The following CLEC17A variants were observed in gnomAD, a reference collection of about 807,000 sequenced individuals.
The protein encoded by CLEC17A is C-type lectin domain family 17, member A.
In CLEC17A, 37 loss-of-function variants were observed where a neutral mutation model predicts 61.3. The observed-to-expected ratio is 0.60, with a 90% confidence interval of 0.46 to 0.79. The LOEUF is 0.79. CLEC17A is among the 30% of genes least tolerant of loss of function. The probability of loss-of-function intolerance (pLI) is 0.00; values close to 1 mark genes in which losing one functional copy is unlikely to be tolerated. For synonymous variants in CLEC17A, 168 were observed against 164.9 expected, an observed-to-expected ratio of 1.02 and a Z score of -0.14; for missense variants, 418 against 464.7, an observed-to-expected ratio of 0.90 and a Z score of 0.92.
chr19:14,586,147 C>T (rs1342671185), intron 2 of CLEC17A, among the ~76,000 whole-genome samples: 8 of 141,836 alleles, frequency 5.6e-5, no homozygotes, highest in African/African-American at 2.1e-4. Flanking sequence ...TTTCTTGAGA[C>T]GGAGTTTCAC....
At chr19:14,605,910 T>A (rs1555749264) in intron 12 of CLEC17A, among the ~76,000 whole-genome samples, 1 of 152,088 alleles carries the variant, frequency 6.6e-6, no homozygotes, top group Non-Finnish European at 1.5e-5. Flanking sequence ...GGCTAATTTT[T>A]AAAAATTTTT....
intron 4 of CLEC17A, among the ~76,000 whole-genome samples, chr19:14,593,158 C>A (rs1484572884): frequency 6.6e-6 from 1 of 151,946 alleles, no homozygotes; most frequent in Non-Finnish European, 1.5e-5. Flanking sequence ...CAGGGTTCAA[C>A]AAGAATCTGA....
intron 3 of CLEC17A, among the ~76,000 whole-genome samples, chr19:14,589,025 C>T (rs1045260036): frequency 3.3e-5 from 5 of 151,574 alleles, no homozygotes; most frequent in East Asian, 1.9e-4. Flanking sequence ...TTCAGGGCCA[C>T]GTCTGCTCCA....
intron 12 of CLEC17A, 80 bp downstream of exon 12, chr19:14,600,262 C>T (rs2074671125): frequency 1.3e-6 from 2 of 1,510,054 alleles, no homozygotes; most frequent in East Asian, 2.3e-5. Context: ...CCCTCCCTTC[C>T]CTGGATGGCA....
At chr19:14,581,011 A>T (rs1009587568), upstream of CLEC17A, among the ~76,000 whole-genome samples, 2 of 152,174 alleles carry the variant, frequency 1.3e-5, no homozygotes, top group African/African-American at 4.8e-5. Flanking sequence ...GTGCGGGGGA[A>T]GGTTTTTCCA....
intron 12 of CLEC17A, among the ~76,000 whole-genome samples, chr19:14,600,624 C>G (rs2074681048): frequency 6.6e-6 from 1 of 151,854 alleles, no homozygotes; most frequent in Admixed American, 6.6e-5. Flanking sequence ...CTCTTTCACC[C>G]AGGCTGGAGT....
At chr19:14,586,885 TTCTTTC>T (rs1046406264) in intron 2 of CLEC17A, among the ~76,000 whole-genome samples, 2 of 137,008 alleles carry the variant, frequency 1.5e-5, no homozygotes, top group African/African-American at 6.9e-5. Flanking sequence ...TTTTCTTTCT[TTCTTTC>T]TTTTTTTTTT....
chr19:14,606,585 C>T (rs1346872997), intron 12 of CLEC17A, among the ~76,000 whole-genome samples: 1 of 149,678 alleles, frequency 6.7e-6, no homozygotes, highest in Non-Finnish European at 1.5e-5. Context: ...GAGGTTGAGG[C>T]GGGAGAATCG....
intron 12 of CLEC17A, among the ~76,000 whole-genome samples, chr19:14,601,959 A>AT (rs2074730194): frequency 6.6e-6 from 1 of 151,628 alleles, no homozygotes; most frequent in Non-Finnish European, 1.5e-5. Flanking sequence ...CACCCAGCTA[A>AT]TTTTTTGTAT....
At position 14,592,363 on chromosome 19, in the gene CLEC17A, G is replaced by A. The variant is rs1338913366; in HGVS notation, c.277+5G>A. On this transcript the variant is annotated splice_donor_5th_base_variant and intron_variant, in intron 4 of 13. Transcript: ENST00000417570. ...AGGACCTTCCTCCCAAGCCAGGTAAGAGGACTTTTTGGAGTGTGACCTGGG... is the reference window on the plus strand; with the variant it reads ...AGGACCTTCCTCCCAAGCCAGGTAAAAGGACTTTTTGGAGTGTGACCTGGG... 5.6e-6 allele frequency: 9 copies of A among 1,610,040 alleles called. No homozygotes were observed. Among genetic ancestry groups the A allele is most frequent in the Non-Finnish European group, 6.8e-6 (8 of 1,178,100 alleles).
At chr19:14,589,133 C>A (rs114320676) in intron 3 of CLEC17A, among the ~76,000 whole-genome samples, 2,292 of 150,464 alleles carry the variant, frequency 0.015, 1 homozygote, top group African/African-American at 0.053. Context: ...TCGACTCCTT[C>A]CCCCTTCCCA....
intron 2 of CLEC17A, among the ~76,000 whole-genome samples, chr19:14,584,966 C>G (rs1370635763): frequency 6.6e-6 from 1 of 152,132 alleles, no homozygotes; most frequent in Admixed American, 6.6e-5. Context: ...ATTTTCCATC[C>G]CATCCCACCC....
rs538031943 is a variant in CLEC17A at position 14,609,347 on chromosome 19, C to A, written c.1005-717C>A. ...CTGAGTCCATGCTCCTGCTCAATTC[C>A]TTCCCCTTCTCCATCTAGCTTCCCT... On this transcript the variant is annotated intron_variant, in intron 13 of 13. Transcript: ENST00000417570. Among the ~76,000 whole-genome samples, 23 of 152,286 alleles carry A rather than the reference C, an allele frequency of 1.5e-4. No individual in the cohort carries two copies. The South Asian group carries it at 4.8e-3, about 32-fold the overall frequency.
intron 7 of CLEC17A, 58 bp downstream of exon 7, chr19:14,594,858 T>C: frequency 1.4e-6 from 2 of 1,466,506 alleles, no homozygotes; most frequent in Non-Finnish European, 1.9e-6. Context: ...ATGTTTCCTT[T>C]CAATCCCCCA....
intron 12 of CLEC17A, among the ~76,000 whole-genome samples, chr19:14,603,457 A>G (rs912138599): frequency 6.6e-6 from 1 of 151,944 alleles, no homozygotes; most frequent in Non-Finnish European, 1.5e-5. Flanking sequence ...TGTGCAAAGT[A>G]GTATAGCTCA....
intron 2 of CLEC17A, chr19:14,584,268 G>A (rs993105503): frequency 1.8e-4 from 27 of 152,220 alleles, no homozygotes; most frequent in Middle Eastern, 3.4e-3. Context: ...GTTGCCTAAG[G>A]TGTCTGAGGA....
At chr19:14,602,596 T>C (rs1205332510) in intron 12 of CLEC17A, among the ~76,000 whole-genome samples, 2 of 151,910 alleles carry the variant, frequency 1.3e-5, no homozygotes, top group South Asian at 4.2e-4. Flanking sequence ...CCCAGCCTAA[T>C]TGGTATTTTT....
chr19:14,611,894 C>A lies in CLEC17A; in HGVS notation c.*1698C>A, dbSNP rs2075043990. ...TGGCATGTGCCTGTAATCCCAGCTA[C>A]TCAGGAGACTAAGGCACGAGAATTG... On this transcript the variant is annotated 3_prime_UTR_variant, in exon 14 of 14. Coordinates refer to ENST00000417570, the MANE Select transcript of CLEC17A (RefSeq NM_001204118.2). Among the ~76,000 whole-genome samples, 1 of 152,122 alleles carries A rather than the reference C, an allele frequency of 6.6e-6. No individual in the cohort carries two copies. Among genetic ancestry groups the A allele is most frequent in the African/African-American group, 2.4e-5 (1 of 41,430 alleles).
upstream of CLEC17A, chr19:14,583,042 T>G: frequency 9.6e-7 from 1 of 1,040,704 alleles, no homozygotes; most frequent in Non-Finnish European, 1.5e-6. Flanking sequence ...TGAATTTGCA[T>G]GTATTTGACT....
Sources: allele counts gnomAD v4.1 joint callset (sites outside exome capture counted in the v4.1 genomes callset), GRCh38; gene constraint gnomAD v4.1.1; transcripts MANE v1.5; gene names NCBI Gene and HGNC (gene_info 2026-07-23, HGNC 2026-07-21).